Variants in B4GALT5 observed in about 807,000 individuals in gnomAD.
B4GALT5 encodes UDP-Gal:beta-GlcNAc beta-1,4-galactosyltransferase 5.
A neutral mutation model predicts 45.0 loss-of-function variants in B4GALT5; 11 were observed. The ratio of observed to expected loss-of-function variants is 0.24; its 90% confidence interval spans 0.15 to 0.40. The LOEUF is 0.40. Among genes scored for constraint, B4GALT5 ranks in the 10% least tolerant of loss-of-function variants. The pLI, the probability that B4GALT5 is intolerant of heterozygous loss-of-function variation, is 1.00. For synonymous variants in B4GALT5, 185 were observed against 182.9 expected (o/e 1.01, Z -0.09); for missense variants, 337 against 500.2 (o/e 0.67, Z 3.11).
At chr20:49,663,710 T>TCA in intron 1 of B4GALT5, among the ~76,000 whole-genome samples, 1 of 113,404 alleles carries the variant, frequency 8.8e-6, no homozygotes, top group East Asian at 2.5e-4. Flanking sequence ...TATATATATA[T>TCA]ATATATATAT....
chr20:49,674,363 G>C (rs1327789062), intron 1 of B4GALT5, among the ~76,000 whole-genome samples: 1 of 151,750 alleles, frequency 6.6e-6, no homozygotes, highest in Non-Finnish European at 1.5e-5. Context: ...AGGGAATAAA[G>C]ACCCTAGCAA....
intron 1 of B4GALT5, among the ~76,000 whole-genome samples, chr20:49,660,285 A>T (rs571425479): frequency 1.3e-3 from 199 of 152,326 alleles, no homozygotes; most frequent in African/African-American, 4.6e-3. Flanking sequence ...TCCACCTGTT[A>T]CCAAAGATCT....
intron 1 of B4GALT5, among the ~76,000 whole-genome samples, chr20:49,698,328 A>C (rs1375903579): frequency 6.6e-6 from 1 of 152,178 alleles, no homozygotes; most frequent in African/African-American, 2.4e-5. Context: ...ATCTCAAAAA[A>C]ATAAAAAAAG....
chr20:49,663,693 ATATACATAT>A lies in B4GALT5; in HGVS notation c.116-7000_116-6992del, dbSNP rs1568722619. On this transcript the variant is annotated intron_variant, in intron 1 of 8. Coordinates refer to ENST00000371711, the MANE Select transcript of B4GALT5 (RefSeq NM_004776.4). ...ATCTCAAGAAAAAAAAAAAAAAAAT[ATATACATAT>A]ATATATATATATATATATATATATA... Among the ~76,000 whole-genome samples the A allele has an allele frequency of 1.8e-3, 96 of 52,272 alleles. 4 individuals carry two copies. Among genetic ancestry groups the A allele is most frequent in the African/African-American group, 6.1e-3 (67 of 10,964 alleles). 34.3% of individuals were successfully genotyped at this position (52,272 alleles called of 152,430 possible).
intron 3 of B4GALT5, among the ~76,000 whole-genome samples, chr20:49,645,191 A>G (rs1386270732): frequency 6.6e-6 from 1 of 150,524 alleles, no homozygotes; most frequent in African/African-American, 2.4e-5. Context: ...TGGGCAACAT[A>G]GTGAGACCCC....
intron 7 of B4GALT5, among the ~76,000 whole-genome samples, chr20:49,638,104 A>G (rs1452283682): frequency 1.3e-5 from 2 of 151,948 alleles, no homozygotes; most frequent in Non-Finnish European, 1.5e-5. Flanking sequence ...GTGCAGCCTC[A>G]ATCTCCCAGG....
chr20:49,644,391 T>C (rs2085590488), intron 3 of B4GALT5, among the ~76,000 whole-genome samples: 2 of 152,278 alleles, frequency 1.3e-5, no homozygotes, highest in East Asian at 3.9e-4. Context: ...TGGCTGCAGC[T>C]GAGCTTTTCT....
At chr20:49,654,558 G>A (rs1016679556) in intron 2 of B4GALT5, among the ~76,000 whole-genome samples, 1 of 152,210 alleles carries the variant, frequency 6.6e-6, no homozygotes, top group Non-Finnish European at 1.5e-5. Context: ...GACGGCAAAG[G>A]AAACTGATAA....
intron 1 of B4GALT5, among the ~76,000 whole-genome samples, chr20:49,683,663 G>A (rs535285784): frequency 3.1e-4 from 47 of 151,624 alleles, no homozygotes; most frequent in African/African-American, 1.1e-3. Context: ...TGCCCACCTC[G>A]GCCTCCCGAA....
At chr20:49,651,251 A>G (rs1266228907) in intron 2 of B4GALT5, among the ~76,000 whole-genome samples, 1 of 152,004 alleles carries the variant, frequency 6.6e-6, no homozygotes, top group African/African-American at 2.4e-5. Context: ...CCGCCACTGC[A>G]CTCCAGCCCG....
At chr20:49,706,442 G>C (rs6125724) in intron 1 of B4GALT5, among the ~76,000 whole-genome samples, 17,889 of 151,940 alleles carry the variant, frequency 0.12, 1,268 homozygotes, top group East Asian at 0.22. Context: ...GACTCAACTT[G>C]ACTTATATGA....
intron 1 of B4GALT5, among the ~76,000 whole-genome samples, chr20:49,657,315 G>C (rs1216887686): frequency 1.3e-5 from 2 of 152,178 alleles, no homozygotes; most frequent in Non-Finnish European, 2.9e-5. Flanking sequence ...CAAAGCAATA[G>C]GGAAAGAGCA....
chr20:49,684,336 G>A (rs1837118683), intron 1 of B4GALT5, among the ~76,000 whole-genome samples: 1 of 152,118 alleles, frequency 6.6e-6, no homozygotes, highest in South Asian at 2.1e-4. Flanking sequence ...GCTGAGGCAG[G>A]CGGATCACAA....
intron 1 of B4GALT5, among the ~76,000 whole-genome samples, chr20:49,696,943 A>T (rs2085841795): frequency 6.6e-6 from 1 of 152,224 alleles, no homozygotes; most frequent in Non-Finnish European, 1.5e-5. Flanking sequence ...ATACAACCTG[A>T]AACTATAGCT....
chr20:49,673,317 T>C (rs746164963), intron 1 of B4GALT5, among the ~76,000 whole-genome samples: 6 of 151,862 alleles, frequency 4.0e-5, no homozygotes, highest in Non-Finnish European at 7.4e-5. Context: ...GAGGCAGAGA[T>C]TGCAGCAAGC....
chr20:49,644,938 T>A (rs1313865821), intron 3 of B4GALT5, among the ~76,000 whole-genome samples: 2 of 152,134 alleles, frequency 1.3e-5, no homozygotes, highest in South Asian at 2.1e-4. Context: ...AAAACAATTT[T>A]AAAAAAAGAA....
chr20:49,636,469 G>C lies in B4GALT5; in HGVS notation c.1020-10C>G. The C allele has an allele frequency of 1.2e-6, 2 of 1,613,954 alleles. No homozygotes were observed. The highest frequency in any genetic ancestry group is 1.7e-6 in the Non-Finnish European group (2 of 1,179,892). On this transcript the variant is annotated splice_polypyrimidine_tract_variant and intron_variant, in intron 8 of 8. Coordinates refer to ENST00000371711, the MANE Select transcript of B4GALT5 (RefSeq NM_004776.4). ...CCTCAGCAGAGCATACCTGTTTAGG[G>C]AGGGAACAGAGAAGAGGTGGCTCTG...
intron 1 of B4GALT5, among the ~76,000 whole-genome samples, chr20:49,663,301 G>A (rs1034238125): frequency 3.0e-4 from 45 of 152,088 alleles, no homozygotes; most frequent in Admixed American, 5.2e-4. Flanking sequence ...CAAGCTTTTT[G>A]CTTACATGTA....
chr20:49,710,406 T>TC (rs1555815349), intron 1 of B4GALT5, among the ~76,000 whole-genome samples: 1,107 of 28,544 alleles, frequency 0.039, 8 homozygotes, highest in Non-Finnish European at 0.053. Flanking sequence ...TTTCTCTCTC[T>TC]TTTTTTTTTT....
Sources: allele counts gnomAD v4.1 joint callset (sites outside exome capture counted in the v4.1 genomes callset), GRCh38; gene constraint gnomAD v4.1.1; transcripts MANE v1.5; gene names NCBI Gene and HGNC (gene_info 2026-07-23, HGNC 2026-07-21).